The following CCDC141 variants were observed in gnomAD, a reference collection of about 807,000 sequenced individuals.
The protein encoded by CCDC141 is coiled-coil domain-containing protein 141.
Under a neutral mutation model 181.0 loss-of-function variants are expected in CCDC141, and 168 were observed. That is an observed-to-expected ratio of 0.93 (90% CI 0.82 to 1.05). The LOEUF (loss-of-function observed/expected upper bound fraction) is 1.05. Among genes scored for constraint, CCDC141 ranks in the 50% least tolerant of loss-of-function variants. CCDC141 has a pLI of 0.00. For synonymous variants in CCDC141, 666 were observed against 642.3 expected (o/e 1.04, Z -0.56); for missense variants, 1,902 against 1,788.5 (o/e 1.06, Z -1.14).
At chr2:178,944,478 T>C in intron 6 of CCDC141, 57 bp downstream of exon 6, 1 of 766,560 alleles carries the variant, frequency 1.3e-6, no homozygotes, top group African/African-American at 1.8e-5. Context: ...AGAAGTATAT[T>C]CAAGAAAAGT....
At chr2:178,866,691 G>T (rs1685867967) in intron 16 of CCDC141, among the ~76,000 whole-genome samples, 1 of 150,954 alleles carries the variant, frequency 6.6e-6, no homozygotes, top group Non-Finnish European at 1.5e-5. Context: ...TTTTTGTTTT[G>T]TTTTGTTGTT....
In CCDC141 at chr2:178,833,532, C is replaced by A. The variant is rs1684345598; in HGVS notation, c.*641G>T. 6.6e-6 allele frequency: 1 copy of A among 152,360 alleles called. No homozygotes were observed. The highest frequency in any genetic ancestry group is 1.5e-5 in the Non-Finnish European group (1 of 68,196). The allele number at this position is 152,360 out of a possible 1,614,324, so 9.4% of individuals were successfully genotyped here. On this transcript the variant is annotated 3_prime_UTR_variant, in exon 24 of 24. Coordinates refer to ENST00000443758, the MANE Select transcript of CCDC141 (RefSeq NM_173648.4). Reference sequence around the variant, plus strand: ...CCATCTTGCTGTATGACATGCAGAGCTGACAAAAGATGGAAACTCTATTTA... The same window carrying A: ...CCATCTTGCTGTATGACATGCAGAGATGACAAAAGATGGAAACTCTATTTA...
chr2:178,897,565 T>C (rs1318492860), intron 8 of CCDC141, among the ~76,000 whole-genome samples: 1 of 152,178 alleles, frequency 6.6e-6, no homozygotes, highest in Non-Finnish European at 1.5e-5. Flanking sequence ...AGCAAAATAT[T>C]CAGTTAGGAT....
chr2:178,934,849 T>C (rs114100829), intron 6 of CCDC141, among the ~76,000 whole-genome samples: 8,691 of 152,270 alleles, frequency 0.057, 368 homozygotes, highest in Non-Finnish European at 0.086. Flanking sequence ...AATCCTCAGC[T>C]TGATGCCTTA....
chr2:179,034,057 G>C (rs866842736), intron 2 of CCDC141, among the ~76,000 whole-genome samples: 23 of 151,890 alleles, frequency 1.5e-4, no homozygotes, highest in Admixed American at 3.9e-4. Flanking sequence ...TGTTCATTGC[G>C]GCACTATTCA....
intron 6 of CCDC141, among the ~76,000 whole-genome samples, chr2:178,928,972 G>A (rs888616619): frequency 1.3e-5 from 2 of 152,152 alleles, no homozygotes; most frequent in African/African-American, 4.8e-5. Context: ...TTTATGTTCT[G>A]TGAAAAATGA....
At chr2:178,893,360 T>C (rs185213098) in intron 8 of CCDC141, among the ~76,000 whole-genome samples, 1 of 152,166 alleles carries the variant, frequency 6.6e-6, no homozygotes, top group East Asian at 1.9e-4. Flanking sequence ...CAAATTCCAA[T>C]GTTAATGTGT....
At position 178,834,227 on chromosome 2, in the gene CCDC141, G is replaced by A. The variant is rs1324936014; in HGVS notation, c.4539C>T (p.Thr1513=). The A allele has an allele frequency of 2.0e-6, 3 of 1,536,212 alleles. No homozygotes were observed. Among genetic ancestry groups the A allele is most frequent in the African/African-American group, 2.7e-5 (2 of 73,130 alleles). The part of the protein sequence containing the change: ...RLPITRVNWI[T]LCVVYVSVSL... ...ACACACTAACATAGACGACACACAGGGTTATCCAGTTTACTCTTGTGATTG... is the reference window on the plus strand; with the variant it reads ...ACACACTAACATAGACGACACACAGAGTTATCCAGTTTACTCTTGTGATTG... Residue 1513 remains threonine, a synonymous_variant, in exon 24 of 24, where the codon ACC becomes ACT. Transcript: ENST00000443758.
intron 2 of CCDC141, among the ~76,000 whole-genome samples, chr2:179,008,127 T>A (rs1376883060): frequency 1.3e-5 from 2 of 152,232 alleles, no homozygotes; most frequent in Non-Finnish European, 2.9e-5. Flanking sequence ...AAAGTCTGAA[T>A]AAATAGATAG....
At chr2:178,924,280 T>C (rs1688829554) in intron 6 of CCDC141, among the ~76,000 whole-genome samples, 1 of 152,366 alleles carries the variant, frequency 6.6e-6, no homozygotes, top group South Asian at 2.1e-4. Context: ...GTTGAGTTCA[T>C]GTATAGTTCC....
chr2:178,967,981 A>G (rs1416765992), intron 4 of CCDC141, among the ~76,000 whole-genome samples: 1 of 152,232 alleles, frequency 6.6e-6, no homozygotes, highest in Non-Finnish European at 1.5e-5. Context: ...AGATCAGAAG[A>G]GACAAAGAAG....
chr2:178,828,622 A>G (rs183685744), downstream of CCDC141, among the ~76,000 whole-genome samples: 16 of 152,286 alleles, frequency 1.1e-4, no homozygotes, highest in Admixed American at 3.3e-4. Flanking sequence ...GTTCTGGAGC[A>G]AATGGGCATA....
At chr2:178,878,178 A>T in intron 11 of CCDC141, 35 bp from the exon 12 acceptor site, 3 of 1,454,990 alleles carry the variant, frequency 2.1e-6, no homozygotes, top group Non-Finnish European at 2.8e-6. Flanking sequence ...GAACACTTAA[A>T]CACATTTTTT....
chr2:178,962,684 C>T (rs903557328), intron 4 of CCDC141, among the ~76,000 whole-genome samples: 1 of 151,518 alleles, frequency 6.6e-6, no homozygotes, highest in Non-Finnish European at 1.5e-5. Context: ...CACACACACG[C>T]ATGCACACAC....
intron 2 of CCDC141, chr2:179,002,262 G>T: frequency 8.1e-6 from 2 of 245,594 alleles, no homozygotes; most frequent in South Asian, 9.9e-5. Context: ...CTTGGCCCAT[G>T]ACCATGTCCA....
chr2:178,970,847 G>T (rs1368677507), intron 4 of CCDC141, among the ~76,000 whole-genome samples: 1 of 152,206 alleles, frequency 6.6e-6, no homozygotes, highest in African/African-American at 2.4e-5. Context: ...CAGAATGGGA[G>T]AAAATGTTTG....
chr2:178,883,932 T>C (rs778148168), intron 11 of CCDC141, among the ~76,000 whole-genome samples: 3 of 152,000 alleles, frequency 2.0e-5, no homozygotes, highest in Non-Finnish European at 2.9e-5. Flanking sequence ...TGAAGACACA[T>C]CACACAAGGC....
chr2:178,987,004 C>T (rs1298007789), intron 2 of CCDC141, among the ~76,000 whole-genome samples: 6 of 152,012 alleles, frequency 3.9e-5, no homozygotes, highest in South Asian at 4.2e-4. Flanking sequence ...GAGCCCGCAT[C>T]GCCAAGTCAA....
At chr2:178,949,256 G>T (rs769442591) in intron 5 of CCDC141, among the ~76,000 whole-genome samples, 1 of 152,154 alleles carries the variant, frequency 6.6e-6, no homozygotes, top group South Asian at 2.1e-4. Context: ...GAAGGTAAAA[G>T]AAGTTAACTA....
Sources: gnomAD v4.1 joint callset for allele counts (sites outside exome capture counted in the v4.1 genomes callset) on GRCh38, gnomAD v4.1.1 for gene constraint, MANE v1.5 for transcripts, NCBI Gene and HGNC (gene_info 2026-07-23, HGNC 2026-07-21) for gene names.